Variants in PLCL1 observed in about 807,000 individuals in gnomAD.
PLCL1 encodes the protein inactive phospholipase C-like protein 1.
A neutral mutation model predicts 84.4 loss-of-function variants in PLCL1; 41 were observed. The ratio of observed to expected loss-of-function variants is 0.49; its 90% confidence interval spans 0.38 to 0.63. PLCL1 has a LOEUF of 0.63. Ranked by LOEUF, PLCL1 falls within the 30% of genes least tolerant of loss-of-function variation. The probability of loss-of-function intolerance (pLI) is 0.00; values close to 1 mark genes in which losing one functional copy is unlikely to be tolerated. For synonymous variants in PLCL1, 490 were observed against 488.3 expected (o/e 1.00, Z -0.05); for missense variants, 1,206 against 1,367.8 (o/e 0.88, Z 1.87).
At chr2:198,043,397 T>C (rs764233291) in intron 1 of PLCL1, among the ~76,000 whole-genome samples, 6 of 152,132 alleles carry the variant, frequency 3.9e-5, no homozygotes, top group Non-Finnish European at 8.8e-5. Flanking sequence ...TAAACAGCTG[T>C]CTCTACTGGG....
At chr2:198,041,684 A>C (rs906938483) in intron 1 of PLCL1, among the ~76,000 whole-genome samples, 1 of 152,208 alleles carries the variant, frequency 6.6e-6, no homozygotes, top group Non-Finnish European at 1.5e-5. Flanking sequence ...AATATGGATA[A>C]ATTAATGAAT....
At chr2:198,135,376 G>C (rs1017474517) in intron 5 of PLCL1, among the ~76,000 whole-genome samples, 2 of 152,158 alleles carry the variant, frequency 1.3e-5, no homozygotes, top group Non-Finnish European at 2.9e-5. Context: ...TTAATATTCT[G>C]TCCTATCCTA....
intron 1 of PLCL1, among the ~76,000 whole-genome samples, chr2:197,862,923 C>T (rs1017093246): frequency 3.3e-5 from 5 of 152,074 alleles, no homozygotes; most frequent in African/African-American, 1.2e-4. Flanking sequence ...TTCTAGATAA[C>T]AATAGGAGAC....
At chr2:197,903,802 CTT>C (rs1232211481) in intron 1 of PLCL1, among the ~76,000 whole-genome samples, 12 of 104,472 alleles carry the variant, frequency 1.1e-4, no homozygotes, top group Non-Finnish European at 1.2e-4. Context: ...AGTGCCCGGC[CTT>C]TTTTTTTTTT....
intron 1 of PLCL1, among the ~76,000 whole-genome samples, chr2:197,932,905 C>G (rs1688970162): frequency 1.3e-5 from 2 of 151,970 alleles, no homozygotes; most frequent in African/African-American, 2.4e-5. Flanking sequence ...TGGGAGGCAT[C>G]CTGATTTGCT....
chr2:198,145,275 C>G (rs1016717615), intron 5 of PLCL1, among the ~76,000 whole-genome samples: 4 of 152,120 alleles, frequency 2.6e-5, no homozygotes, highest in Admixed American at 2.6e-4. Context: ...ACAGACTTCC[C>G]AAAGTCTGCT....
At chr2:197,986,190 G>C (rs1196944729) in intron 1 of PLCL1, among the ~76,000 whole-genome samples, 1 of 152,146 alleles carries the variant, frequency 6.6e-6, no homozygotes, top group Non-Finnish European at 1.5e-5. Context: ...TAAATTAAAA[G>C]ATTGTAACCC....
chr2:197,820,132 T>C (rs1176419636), intron 1 of PLCL1, among the ~76,000 whole-genome samples: 3 of 152,084 alleles, frequency 2.0e-5, no homozygotes, highest in African/African-American at 7.2e-5. Context: ...ATATATGTTA[T>C]TTCATTTAAG....
At chr2:198,041,058 G>A (rs1486736356) in intron 1 of PLCL1, among the ~76,000 whole-genome samples, 2 of 152,158 alleles carry the variant, frequency 1.3e-5, no homozygotes, top group East Asian at 1.9e-4. Flanking sequence ...TCCCAAAGCT[G>A]CTCTGTGGCT....
chr2:198,104,653 A>G (rs1693428211), intron 5 of PLCL1, among the ~76,000 whole-genome samples: 1 of 152,082 alleles, frequency 6.6e-6, no homozygotes, highest in South Asian at 2.1e-4. Flanking sequence ...TTACATTCCC[A>G]CCAGCATTGT....
chr2:198,053,980 G>C (rs946011586), intron 1 of PLCL1, among the ~76,000 whole-genome samples: 1 of 152,150 alleles, frequency 6.6e-6, no homozygotes, highest in African/African-American at 2.4e-5. Context: ...TTCTCTCTTG[G>C]GAAAGGGTAA....
At chr2:198,075,430 A>G in intron 1 of PLCL1, among the ~76,000 whole-genome samples, 1 of 152,244 alleles carries the variant, frequency 6.6e-6, no homozygotes, top group East Asian at 1.9e-4. Flanking sequence ...GCTAAAGCAC[A>G]GTATTAACAA....
At chr2:197,835,179 G>A (rs1691159272) in intron 1 of PLCL1, among the ~76,000 whole-genome samples, 1 of 152,172 alleles carries the variant, frequency 6.6e-6, no homozygotes, top group South Asian at 2.1e-4. Context: ...ATAGCATTAG[G>A]AGAAATACCT....
In PLCL1 at chr2:198,072,496, A is replaced by G. The variant is rs775468822; in HGVS notation, c.241-11262A>G. Among the ~76,000 whole-genome samples, 111 of 151,944 alleles carry G rather than the reference A, an allele frequency of 7.3e-4. No homozygotes were observed. The Middle Eastern group carries it at 0.01, about 14-fold the overall frequency. On this transcript the variant is annotated intron_variant, in intron 1 of 5. Transcript: ENST00000428675. Reference sequence around the variant, plus strand: ...TTTATCTTATTGCTTTGGCTTAACTATCCAAAATTATATTAAAATATAAAG... The same window carrying G: ...TTTATCTTATTGCTTTGGCTTAACTGTCCAAAATTATATTAAAATATAAAG...
intron 5 of PLCL1, among the ~76,000 whole-genome samples, chr2:198,133,558 T>TAA (rs149723711): frequency 7.7e-6 from 1 of 130,370 alleles, no homozygotes; most frequent in African/African-American, 2.8e-5. Context: ...AAAAGAAATC[T>TAA]AAAAAAAAAA....
intron 1 of PLCL1, among the ~76,000 whole-genome samples, chr2:197,817,296 T>C (rs1365862918): frequency 6.6e-6 from 1 of 152,186 alleles, no homozygotes; most frequent in African/African-American, 2.4e-5. Flanking sequence ...TCCTCATACT[T>C]TCTCATGTTT....
chr2:197,887,408 A>G (rs1687942639), intron 1 of PLCL1, among the ~76,000 whole-genome samples: 2 of 152,184 alleles, frequency 1.3e-5, no homozygotes, highest in Admixed American at 1.3e-4. Context: ...CACATAAATA[A>G]AATAAATAAC....
chr2:197,865,997 G>A (rs1416495901), intron 1 of PLCL1, among the ~76,000 whole-genome samples: 1 of 95,658 alleles, frequency 1.0e-5, no homozygotes, highest in African/African-American at 4.1e-5. Flanking sequence ...ATAACAGAGT[G>A]AGAACCTATC....
chr2:198,008,770 A>G (rs1690793879), intron 1 of PLCL1, among the ~76,000 whole-genome samples: 1 of 151,954 alleles, frequency 6.6e-6, no homozygotes, highest in Non-Finnish European at 1.5e-5. Flanking sequence ...TTTTTGGAGG[A>G]ACCTCCATGC....
Sources: gnomAD v4.1 joint callset for allele counts (sites outside exome capture counted in the v4.1 genomes callset) on GRCh38, gnomAD v4.1.1 for gene constraint, MANE v1.5 for transcripts, NCBI Gene and HGNC (gene_info 2026-07-23, HGNC 2026-07-21) for gene names.